The following DTNA variants were observed in gnomAD, a reference collection of about 807,000 sequenced individuals.
DTNA encodes the protein dystrobrevin alpha, also known as dystrophin-related protein 3.
Under a neutral mutation model 100.7 loss-of-function variants are expected in DTNA, and 43 were observed. That is an observed-to-expected ratio of 0.43 (90% CI 0.33 to 0.55). The LOEUF is 0.55. Among genes scored for constraint, DTNA ranks in the 20% least tolerant of loss-of-function variants. The pLI is 0.04. For synonymous variants in DTNA, 349 were observed against 347.9 expected, an observed-to-expected ratio of 1.00 and a Z score of -0.04; for missense variants, 798 against 953.9, an observed-to-expected ratio of 0.84 and a Z score of 2.15.
At chr18:34,686,329 T>C (rs1456340284) in intron 1 of DTNA, among the ~76,000 whole-genome samples, 3 of 152,200 alleles carry the variant, frequency 2.0e-5, no homozygotes, top group African/African-American at 4.8e-5. Context: ...ACCTAGTTTA[T>C]TGAGTGTTTT....
At chr18:34,649,621 A>G (rs2060222872) in intron 1 of DTNA, among the ~76,000 whole-genome samples, 2 of 152,242 alleles carry the variant, frequency 1.3e-5, no homozygotes, top group Admixed American at 6.5e-5. Flanking sequence ...TGAGGGAATT[A>G]TGATTTCTAC....
At chr18:34,768,621 G>T (rs527775408) in intron 3 of DTNA, among the ~76,000 whole-genome samples, 174 of 152,248 alleles carry the variant, frequency 1.1e-3, no homozygotes, top group African/African-American at 3.9e-3. Context: ...GGAATTTCTT[G>T]AAAAACAGTA....
chr18:34,763,318 C>A (rs549721711), intron 2 of DTNA, among the ~76,000 whole-genome samples: 1 of 152,092 alleles, frequency 6.6e-6, no homozygotes, highest in African/African-American at 2.4e-5. Flanking sequence ...TCATTCCCCA[C>A]GAGTCACATT....
intron 1 of DTNA, among the ~76,000 whole-genome samples, chr18:34,627,064 T>C (rs1417671036): frequency 6.6e-6 from 1 of 151,446 alleles, no homozygotes; most frequent in Non-Finnish European, 1.5e-5. Context: ...TAGAACAAAA[T>C]AAATTTGTCA....
intron 1 of DTNA, among the ~76,000 whole-genome samples, chr18:34,585,740 C>CTT (rs1194090846): frequency 8.6e-5 from 13 of 151,970 alleles, no homozygotes; most frequent in Admixed American, 3.3e-4. Flanking sequence ...AAGTAGGTAT[C>CTT]TGAGTATCAT....
intron 1 of DTNA, among the ~76,000 whole-genome samples, chr18:34,719,459 C>G (rs761683442): frequency 6.6e-6 from 1 of 152,152 alleles, no homozygotes; most frequent in South Asian, 2.1e-4. Context: ...AATTAAGGCC[C>G]GAGAGGTTAA....
At chr18:34,529,159 AC>A (rs1219292838) in intron 1 of DTNA, among the ~76,000 whole-genome samples, 1 of 152,230 alleles carries the variant, frequency 6.6e-6, no homozygotes, top group African/African-American at 2.4e-5. Flanking sequence ...GAGCAACGGA[AC>A]CCATTCTAGT....
chr18:34,691,104 A>G (rs1209415797), intron 1 of DTNA, among the ~76,000 whole-genome samples: 1 of 152,228 alleles, frequency 6.6e-6, no homozygotes, highest in Non-Finnish European at 1.5e-5. Context: ...TTTAAAACAC[A>G]GGAGCAACAT....
chr18:34,600,880 G>A (rs1046963739), intron 1 of DTNA, among the ~76,000 whole-genome samples: 1 of 152,190 alleles, frequency 6.6e-6, no homozygotes, highest in African/African-American at 2.4e-5. Context: ...ATTAGCTGAA[G>A]GTTCTTCTCT....
chr18:34,592,565 T>C (rs2049860017), intron 1 of DTNA, among the ~76,000 whole-genome samples: 1 of 150,862 alleles, frequency 6.6e-6, no homozygotes, highest in African/African-American at 2.4e-5. Context: ...GAAGTTTCAG[T>C]GGGGAGATAG....
At chr18:34,496,815 G>A (rs1292252111) in intron 1 of DTNA, among the ~76,000 whole-genome samples, 1 of 152,208 alleles carries the variant, frequency 6.6e-6, no homozygotes, top group African/African-American at 2.4e-5. Context: ...ACATATTTGT[G>A]CAGGAATGAC....
chr18:34,533,463 A>G (rs549652230), intron 1 of DTNA, among the ~76,000 whole-genome samples: 1 of 152,080 alleles, frequency 6.6e-6, no homozygotes, highest in South Asian at 2.1e-4. Context: ...CTGGTTCAGT[A>G]TCAGCAAGTA....
intron 1 of DTNA, among the ~76,000 whole-genome samples, chr18:34,539,555 T>G (rs2044049860): frequency 6.6e-6 from 1 of 151,952 alleles, no homozygotes; most frequent in South Asian, 2.1e-4. Context: ...TTAGTGTGAT[T>G]ACTAAGGTCA....
At chr18:34,710,279 G>T (rs944313623), upstream of DTNA, 1 of 152,168 alleles carries the variant, frequency 6.6e-6, no homozygotes, top group African/African-American at 2.4e-5. Flanking sequence ...TTAGATTGCT[G>T]TGTGTTGAGC....
intron 1 of DTNA, among the ~76,000 whole-genome samples, chr18:34,545,378 C>G (rs1267749839): frequency 1.3e-5 from 2 of 152,082 alleles, no homozygotes; most frequent in Non-Finnish European, 2.9e-5. Flanking sequence ...TATATTCCTA[C>G]TAGGATATGT....
chr18:34,773,642 C>G (rs150262770), intron 3 of DTNA, among the ~76,000 whole-genome samples: 11 of 152,208 alleles, frequency 7.2e-5, no homozygotes, highest in African/African-American at 2.2e-4. Context: ...TGCAACGTTC[C>G]CAAAAATTCC....
chr18:34,776,755 T>G (rs1327898815), intron 3 of DTNA, among the ~76,000 whole-genome samples: 1 of 152,182 alleles, frequency 6.6e-6, no homozygotes, highest in Non-Finnish European at 1.5e-5. Context: ...ACTTCCCTCA[T>G]GGTAAAAGCA....
At chr18:34,692,405 G>A (rs1052617628) in intron 1 of DTNA, among the ~76,000 whole-genome samples, 3 of 152,036 alleles carry the variant, frequency 2.0e-5, no homozygotes, top group Non-Finnish European at 2.9e-5. Context: ...AAAAAACTAG[G>A]GTTCCAATAG....
At chr18:34,714,198 A>G (rs2083466600) in intron 1 of DTNA, among the ~76,000 whole-genome samples, 1 of 151,960 alleles carries the variant, frequency 6.6e-6, no homozygotes, top group Non-Finnish European at 1.5e-5. Context: ...TAAAACACCA[A>G]AAGCAATGGC....
Sources: allele counts gnomAD v4.1 joint callset (sites outside exome capture counted in the v4.1 genomes callset), GRCh38; gene constraint gnomAD v4.1.1; transcripts MANE v1.5; gene names NCBI Gene and HGNC (gene_info 2026-07-23, HGNC 2026-07-21).